FRMD4A: variants seen among roughly 807,000 people sequenced by gnomAD.
FRMD4A encodes the protein FERM domain-containing protein 4A.
FRMD4A carries 29 observed loss-of-function variants against 129.1 expected under a neutral mutation model. That is an observed-to-expected ratio of 0.22 (90% CI 0.17 to 0.31). FRMD4A has a LOEUF of 0.31. Ranked by LOEUF, FRMD4A falls within the 10% of genes least tolerant of loss-of-function variation. FRMD4A has a pLI of 1.00. For synonymous variants in FRMD4A, 634 were observed against 571.6 expected (o/e 1.11, Z -1.56); for missense variants, 1,272 against 1,375.8 (o/e 0.92, Z 1.19).
chr10:14,138,756 T>TA (rs112538773), intron 2 of FRMD4A, among the ~76,000 whole-genome samples: 1,632 of 140,542 alleles, frequency 0.012, 34 homozygotes, highest in African/African-American at 0.04. Flanking sequence ...AGACTCCATC[T>TA]AAAAAAAAAA....
rs566054707 is a variant in FRMD4A at position 13,805,846 on chromosome 10, G to A, written c.206+4968C>T. ...TGGGACTACAACTGTGCACCACCAT[G>A]CCTGGCTAATTTTTAATTTTTTTTT... On this transcript the variant is annotated intron_variant, in intron 4 of 24. Coordinates refer to ENST00000357447, the MANE Select transcript of FRMD4A (RefSeq NM_018027.5). Among the ~76,000 whole-genome samples the A allele has an allele frequency of 3.6e-5, 5 of 138,848 alleles. No individual in the cohort carries two copies. In the Admixed American group the frequency reaches 3.9e-4, roughly 11 times the overall value. 91.1% of individuals were successfully genotyped at this position (138,848 alleles called of 152,430 possible). A position where few individuals can be genotyped will look rare whatever the true frequency, so the allele number is the denominator to read the frequency against.
chr10:13,735,950 T>C (rs1185749290), intron 12 of FRMD4A, among the ~76,000 whole-genome samples: 2 of 151,984 alleles, frequency 1.3e-5, no homozygotes, highest in Non-Finnish European at 2.9e-5. Context: ...GGTCAGGAGT[T>C]TGAGACAGGC....
rs1387078981 is a variant in FRMD4A at position 13,697,742 on chromosome 10, A to G, written c.975+3598T>C. On this transcript the variant is annotated intron_variant, in intron 14 of 24. Coordinates refer to ENST00000357447, the MANE Select transcript of FRMD4A (RefSeq NM_018027.5). Reference sequence around the variant, plus strand: ...AACTGCATCAGGGAGAGAAAAAAAAAGATTAGGAAGAAGGAAAGACGTTTG... The same window carrying G: ...AACTGCATCAGGGAGAGAAAAAAAAGGATTAGGAAGAAGGAAAGACGTTTG... Among the ~76,000 whole-genome samples the G allele has an allele frequency of 2.0e-5, 3 of 152,178 alleles. No individual in the cohort carries two copies. In the South Asian group the frequency reaches 6.2e-4, roughly 31 times the overall value.
At chr10:14,251,508 G>A (rs1405669726) in intron 2 of FRMD4A, among the ~76,000 whole-genome samples, 3 of 152,172 alleles carry the variant, frequency 2.0e-5, no homozygotes, top group African/African-American at 7.2e-5. Flanking sequence ...AAGCAGAAGT[G>A]TTTTGCTAAG....
At chr10:13,954,218 T>C (rs181049721) in intron 2 of FRMD4A, among the ~76,000 whole-genome samples, 166 of 152,304 alleles carry the variant, frequency 1.1e-3, no homozygotes, top group Non-Finnish European at 1.7e-3. Flanking sequence ...TCGGTGGCTA[T>C]ATTAGTCTGT....
chr10:14,272,891 T>C (rs1589251865), intron 2 of FRMD4A, among the ~76,000 whole-genome samples: 1 of 152,314 alleles, frequency 6.6e-6, no homozygotes, highest in African/African-American at 2.4e-5. Flanking sequence ...AATAGACGTC[T>C]TGGTCTTTGA....
At chr10:14,221,725 AT>A (rs5783386) in intron 2 of FRMD4A, among the ~76,000 whole-genome samples, 147,280 of 149,320 alleles carry the variant, frequency 0.99, 72,653 homozygotes, top group East Asian at 1. Context: ...ACGCCGGGTA[AT>A]TTTTTTTTTT....
chr10:13,648,230 A>G (rs2081273254), intron 24 of FRMD4A: 1 of 152,208 alleles, frequency 6.6e-6, no homozygotes, highest in Non-Finnish European at 1.5e-5. Flanking sequence ...TCAGAAGCAA[A>G]GTAAGAAAAG....
chr10:13,739,629 G>A (rs955019820), intron 11 of FRMD4A, among the ~76,000 whole-genome samples: 1 of 152,214 alleles, frequency 6.6e-6, no homozygotes, highest in African/African-American at 2.4e-5. Flanking sequence ...AAGGCAGAAA[G>A]CATATATATC....
In FRMD4A at chr10:14,124,226, T is replaced by A. The variant is rs187079692; in HGVS notation, c.45+205832A>T. Among the ~76,000 whole-genome samples, 511 of 152,274 alleles carry A rather than the reference T, an allele frequency of 3.4e-3. 4 individuals are homozygous for A. Among genetic ancestry groups the A allele is most frequent in the South Asian group, 0.028 (133 of 4,822 alleles). On this transcript the variant is annotated intron_variant, in intron 2 of 24. Coordinates refer to ENST00000357447, the MANE Select transcript of FRMD4A (RefSeq NM_018027.5). ...AGTTTTAATTCCAGCTTTCTCAAAA[T>A]CTCCTTTTGTGAGCTTAGACATAAT... is the stretch of plus-strand genomic sequence containing the variant.
chr10:13,891,201 C>T (rs1426139375), intron 2 of FRMD4A, among the ~76,000 whole-genome samples: 2 of 152,108 alleles, frequency 1.3e-5, no homozygotes, highest in Non-Finnish European at 2.9e-5. Flanking sequence ...TTAGCAGCCC[C>T]GGGCACCGGC....
intron 2 of FRMD4A, among the ~76,000 whole-genome samples, chr10:14,261,968 AC>A (rs1844819419): frequency 6.7e-5 from 9 of 133,868 alleles, no homozygotes; most frequent in African/African-American, 2.3e-4. Context: ...ACACACACAC[AC>A]ACACACACAC....
chr10:13,756,595 C>T (rs1161341940), intron 8 of FRMD4A, among the ~76,000 whole-genome samples: 1 of 152,136 alleles, frequency 6.6e-6, no homozygotes, highest in Non-Finnish European at 1.5e-5. Flanking sequence ...GAACTCCTGG[C>T]CTCAAGCAAT....
In FRMD4A at chr10:13,735,682, G is replaced by T. The variant is rs552179252; in HGVS notation, c.759+2162C>A. ...CTCTAAAAAGCTTAGAGGGAGAAGA[G>T]ATTTCAACTGCTGGATTTTAATTAT... On this transcript the variant is annotated intron_variant, in intron 12 of 24. Coordinates refer to ENST00000357447, the MANE Select transcript of FRMD4A (RefSeq NM_018027.5). Among the ~76,000 whole-genome samples, 3 of 152,338 alleles carry T rather than the reference G, an allele frequency of 2.0e-5. No individual in the cohort carries two copies. In the South Asian group the frequency reaches 6.2e-4, roughly 32 times the overall value.
At chr10:14,250,161 A>G (rs1844386332) in intron 2 of FRMD4A, among the ~76,000 whole-genome samples, 1 of 152,066 alleles carries the variant, frequency 6.6e-6, no homozygotes, top group Admixed American at 6.5e-5. Context: ...GGGTTTCACT[A>G]TGTTGGCCAG....
intron 3 of FRMD4A, among the ~76,000 whole-genome samples, chr10:13,841,044 C>T (rs1212001605): frequency 6.6e-6 from 1 of 151,878 alleles, no homozygotes; most frequent in Non-Finnish European, 1.5e-5. Context: ...GGAGGTTGAA[C>T]CTGCAGTGAG....
At chr10:13,679,483 AC>A in intron 15 of FRMD4A, among the ~76,000 whole-genome samples, 1 of 128,572 alleles carries the variant, frequency 7.8e-6, no homozygotes, top group Non-Finnish European at 1.6e-5. Context: ...ATACACACAC[AC>A]ACACACACAC....
chr10:14,309,671 C>T (rs1339486463), intron 2 of FRMD4A, among the ~76,000 whole-genome samples: 1 of 152,048 alleles, frequency 6.6e-6, no homozygotes, highest in Non-Finnish European at 1.5e-5. Context: ...TCCAGGCCCC[C>T]CTCCTGCCTC....
chr10:13,852,960 C>T (rs530081150), intron 3 of FRMD4A, among the ~76,000 whole-genome samples: 1 of 152,182 alleles, frequency 6.6e-6, no homozygotes, highest in South Asian at 2.1e-4. Context: ...ATCTTTAATT[C>T]CCTTAGAAAA....
Sources: gnomAD v4.1 joint callset for allele counts (sites outside exome capture counted in the v4.1 genomes callset) on GRCh38, gnomAD v4.1.1 for gene constraint, MANE v1.5 for transcripts, NCBI Gene and HGNC (gene_info 2026-07-23, HGNC 2026-07-21) for gene names.